ZNF440: variants seen among roughly 807,000 people sequenced by gnomAD.
ZNF440 encodes the protein zinc finger protein 440.
In ZNF440, 47 loss-of-function variants were observed where a neutral mutation model predicts 49.7. That is an observed-to-expected ratio of 0.95 (90% CI 0.75 to 1.21). The LOEUF is 1.21. Ranked by LOEUF, ZNF440 falls within the 50% of genes most tolerant of loss-of-function variation. The pLI is 0.00. For missense variants in ZNF440, 703 were observed against 715.0 expected (o/e 0.98, Z 0.19); for synonymous variants, 255 against 237.7 (o/e 1.07, Z -0.67).
intron 1 of ZNF440, among the ~76,000 whole-genome samples, chr19:11,819,387 T>TTTTG (rs35985379): frequency 0.14 from 20,924 of 151,766 alleles, 2,805 homozygotes; most frequent in African/African-American, 0.34. Context: ...ATTACTTGTG[T>TTTTG]TTTGTTTGTT....
chr19:11,828,361 AT>A (rs1377819783), intron 1 of ZNF440, among the ~76,000 whole-genome samples: 1 of 151,234 alleles, frequency 6.6e-6, no homozygotes, highest in African/African-American at 2.4e-5. Flanking sequence ...TAATTTTTGT[AT>A]TTTTTAGAGA....
At chr19:11,814,889 T>C (rs1405594696) in intron 1 of ZNF440, among the ~76,000 whole-genome samples, 2 of 151,792 alleles carry the variant, frequency 1.3e-5, no homozygotes, top group Non-Finnish European at 1.5e-5. Context: ...GTTTTTCTCC[T>C]TAACGCAGTT....
At chr19:11,817,549 G>A (rs1024500859) in intron 1 of ZNF440, 10 of 152,080 alleles carry the variant, frequency 6.6e-5, no homozygotes, top group African/African-American at 2.2e-4. Flanking sequence ...CCCAGCTGAG[G>A]ACACGCCACT....
At chr19:11,824,182 CAA>C (rs200865473) in intron 1 of ZNF440, among the ~76,000 whole-genome samples, 26 of 60,012 alleles carry the variant, frequency 4.3e-4, no homozygotes, top group Non-Finnish European at 6.2e-4. Context: ...TACCCTGTTT[CAA>C]AAAAAAAAAA....
chr19:11,831,407 C>T lies in ZNF440; in HGVS notation c.231C>T (p.Asp77=), dbSNP rs1432241511. ...AAAAAGTCAATGAAATTAAAGATGACAGTCATTGTGGAGAAACTTTTACCC... is the reference window on the plus strand; with the variant it reads ...AAAAAGTCAATGAAATTAAAGATGATAGTCATTGTGGAGAAACTTTTACCC... The part of the protein sequence containing the change: ...IEEKVNEIKD[D]SHCGETFTPV... Residue 77 remains aspartate, a synonymous_variant, in exon 4 of 4, where the codon GAC becomes GAT. Coordinates refer to ENST00000304060, the MANE Select transcript of ZNF440 (RefSeq NM_152357.3). 3.1e-6 allele frequency: 5 copies of T among 1,611,380 alleles called. No homozygotes were observed. Among genetic ancestry groups the T allele is most frequent in the Admixed American group, 1.7e-5 (1 of 59,018 alleles).
chr19:11,815,326 A>AC (rs1568237555), intron 1 of ZNF440, among the ~76,000 whole-genome samples: 109 of 150,478 alleles, frequency 7.2e-4, no homozygotes, highest in Middle Eastern at 3.4e-3. Flanking sequence ...ACACACACAC[A>AC]AATTAAATAG....
chr19:11,830,528 G>A, intron 2 of ZNF440, 89 bp from the exon 3 acceptor site: 1 of 1,600,516 alleles, frequency 6.2e-7, no homozygotes, highest in Non-Finnish European at 8.5e-7. Flanking sequence ...AATGAGGTAT[G>A]GCTGCAGTAA....
intron 1 of ZNF440, among the ~76,000 whole-genome samples, chr19:11,819,171 T>A (rs1261046460): frequency 6.6e-6 from 1 of 152,020 alleles, no homozygotes; most frequent in Non-Finnish European, 1.5e-5. Flanking sequence ...TCATATTAAA[T>A]TTTAAAAAAA....
intron 1 of ZNF440, among the ~76,000 whole-genome samples, chr19:11,823,916 C>T (rs1376903176): frequency 6.6e-6 from 1 of 151,998 alleles, no homozygotes. Flanking sequence ...AAGCCAAGAT[C>T]ACACCACTGC....
intron 1 of ZNF440, among the ~76,000 whole-genome samples, chr19:11,828,400 G>T (rs1975892693): frequency 6.6e-6 from 1 of 151,992 alleles, no homozygotes; most frequent in South Asian, 2.1e-4. Flanking sequence ...GGCCAGGCTG[G>T]TCTCAAACTG....
At chr19:11,825,311 TA>T (rs1975850651) in intron 1 of ZNF440, among the ~76,000 whole-genome samples, 1 of 152,246 alleles carries the variant, frequency 6.6e-6, no homozygotes, top group African/African-American at 2.4e-5. Flanking sequence ...TATTATTACC[TA>T]AAGTCCATCT....
At chr19:11,819,268 C>A (rs920568531) in intron 1 of ZNF440, among the ~76,000 whole-genome samples, 1 of 152,176 alleles carries the variant, frequency 6.6e-6, no homozygotes, top group Non-Finnish European at 1.5e-5. Flanking sequence ...GAAGGCGAAT[C>A]TGTAATCAGG....
intron 1 of ZNF440, among the ~76,000 whole-genome samples, chr19:11,820,549 C>T (rs286256): frequency 0.38 from 57,624 of 151,980 alleles, 11,343 homozygotes; most frequent in African/African-American, 0.46. Flanking sequence ...TTCCAGGTTT[C>T]GGGTTTTAGA....
chr19:11,831,305 T>C (rs2145131120), intron 3 of ZNF440, 63 bp from the exon 4 acceptor site: 1 of 1,549,192 alleles, frequency 6.5e-7, no homozygotes, highest in Non-Finnish European at 8.7e-7. Context: ...GTGCAATACT[T>C]GTTGATTAAT....
At chr19:11,818,462 C>T (rs1161233883) in intron 1 of ZNF440, among the ~76,000 whole-genome samples, 1 of 152,038 alleles carries the variant, frequency 6.6e-6, no homozygotes, top group Non-Finnish European at 1.5e-5. Context: ...CACCTGCTTC[C>T]CTAACACTTA....
In ZNF440 at chr19:11,831,478, C is replaced by T; in HGVS notation, c.302C>T (p.Pro101Leu). The T allele has an allele frequency of 6.2e-7, 1 of 1,613,908 alleles. No homozygotes were observed. Among genetic ancestry groups the T allele is most frequent in the Non-Finnish European group, 8.5e-7 (1 of 1,179,860 alleles). The change falls in exon 4 of 4, where the codon CCT becomes CTT. Residue 101 changes from proline (P) to leucine (L), a missense_variant. By Grantham distance (98) the Pro-to-Leu change is moderately conservative. Transcript: ENST00000304060. The part of the protein sequence containing the change: ...RLNFQEKKAS[P>L]EVKSCESFVC... Reference sequence around the variant, plus strand: ...AACTTCCAGGAGAAGAAAGCTTCTCCTGAAGTAAAATCATGTGAAAGCTTT... The same window carrying T: ...AACTTCCAGGAGAAGAAAGCTTCTCTTGAAGTAAAATCATGTGAAAGCTTT...
chr19:11,820,775 C>T (rs944940034), intron 1 of ZNF440, among the ~76,000 whole-genome samples: 3 of 152,162 alleles, frequency 2.0e-5, no homozygotes, highest in Middle Eastern at 3.4e-3. Context: ...GACACATGAC[C>T]GTCAGCCAAT....
intron 1 of ZNF440, among the ~76,000 whole-genome samples, chr19:11,820,413 T>C (rs1599289887): frequency 6.6e-6 from 1 of 151,750 alleles, no homozygotes; most frequent in South Asian, 2.1e-4. Flanking sequence ...AGAGACGGGG[T>C]TTCACCGTAT....
In ZNF440 at chr19:11,832,140, T is replaced by C; in HGVS notation, c.964T>C (p.Ser322Pro). 6 of 1,614,158 alleles carry C rather than the reference T, an allele frequency of 3.7e-6. No homozygotes were observed. The highest frequency in any genetic ancestry group is 5.1e-6 in the Non-Finnish European group (6 of 1,180,012). The change falls in exon 4 of 4, where the codon TCC becomes CCC. Residue 322 changes from serine (S) to proline (P), a missense_variant. Transcript: ENST00000304060. ...ATGTAAGCAGTGTGGGAAAGCATTA[T>C]CCTCTCTTACAAGTTTTCAAACACA... ...YECKQCGKAL[S>P]SLTSFQTHVR...
Sources: gnomAD v4.1 joint callset for allele counts (sites outside exome capture counted in the v4.1 genomes callset) on GRCh38, gnomAD v4.1.1 for gene constraint, MANE v1.5 for transcripts, NCBI Gene and HGNC (gene_info 2026-07-23, HGNC 2026-07-21) for gene names.